The following PRKN variants were observed in gnomAD, a reference collection of about 807,000 sequenced individuals.
PRKN encodes E3 ubiquitin-protein ligase parkin.
Under a neutral mutation model 59.5 loss-of-function variants are expected in PRKN, and 56 were observed. The ratio of observed to expected loss-of-function variants is 0.94; its 90% confidence interval spans 0.76 to 1.18. The LOEUF is 1.18. PRKN is among the 50% of genes most tolerant of loss of function. The pLI is 0.00. For synonymous variants in PRKN, 250 were observed against 222.1 expected (o/e 1.13, Z -1.12); for missense variants, 657 against 596.4 (o/e 1.10, Z -1.06).
intron 1 of PRKN, among the ~76,000 whole-genome samples, chr6:162,501,513 A>ATTTTTTT (rs201004163): frequency 7.9e-6 from 1 of 126,568 alleles, no homozygotes. Flanking sequence ...ACGCCTGGTT[A>ATTTTTTT]ATTTTTTTTT....
At chr6:162,563,155 T>C (rs937329095) in intron 1 of PRKN, among the ~76,000 whole-genome samples, 17 of 151,950 alleles carry the variant, frequency 1.1e-4, no homozygotes, top group Non-Finnish European at 2.5e-4. Flanking sequence ...TACAAAAAAA[T>C]TAGCCAGACG....
intron 7 of PRKN, among the ~76,000 whole-genome samples, chr6:161,627,147 A>AG (rs767342925): frequency 3.0e-4 from 45 of 152,238 alleles, no homozygotes; most frequent in Non-Finnish European, 5.6e-4. Context: ...CTGCTGAAGG[A>AG]GGTACAGCAT....
intron 5 of PRKN, among the ~76,000 whole-genome samples, chr6:161,992,234 G>A (rs940451565): frequency 2.0e-5 from 3 of 152,034 alleles, no homozygotes; most frequent in South Asian, 2.1e-4. Flanking sequence ...CAGCTACTAG[G>A]GGGGCTGAGG....
rs563356310 is a variant in PRKN at position 161,762,903 on chromosome 6, C to T, written c.871+22869G>A. Among the ~76,000 whole-genome samples, 200 of 152,152 alleles carry T rather than the reference C, an allele frequency of 1.3e-3. 1 individual carries two copies. The highest frequency in any genetic ancestry group is 4.6e-3 in the African/African-American group (193 of 41,534). On this transcript the variant is annotated intron_variant, in intron 7 of 11. Coordinates refer to ENST00000366898, the MANE Select transcript of PRKN (RefSeq NM_004562.3). ...CTAGAAAGGATCTGAGACAATTATA[C>T]AAATGTATACCAATAACATTTAAGT...
Position 162,492,571 on chromosome 6 carries a change from G to C in PRKN, c.8-49098C>G, listed in dbSNP as rs1205516176. ...TCCAGCACTTTGGGAGGCCGAGGCA[G>C]GTGGATTGCCTGAGGTCAGGAGGTC... On this transcript the variant is annotated intron_variant, in intron 1 of 11. Coordinates refer to ENST00000366898, the MANE Select transcript of PRKN (RefSeq NM_004562.3). Among the ~76,000 whole-genome samples the C allele has an allele frequency of 2.0e-5, 3 of 152,202 alleles. No individual in the cohort carries two copies. In the East Asian group the frequency reaches 5.8e-4, roughly 29 times the overall value.
chr6:162,038,798 T>C (rs1783945735), intron 5 of PRKN, among the ~76,000 whole-genome samples: 1 of 152,142 alleles, frequency 6.6e-6, no homozygotes, highest in Admixed American at 6.5e-5. Context: ...ATAACTTCAT[T>C]TCAATGCCTT....
chr6:162,062,597 T>C (rs1315086236), intron 4 of PRKN, among the ~76,000 whole-genome samples: 1 of 152,086 alleles, frequency 6.6e-6, no homozygotes, highest in Non-Finnish European at 1.5e-5. Context: ...CGAAAGGCCA[T>C]GTGAAAATAT....
rs139053728 is a variant in PRKN, at chr6:161,807,032, C to T, written c.735-21124G>A. On this transcript the variant is annotated intron_variant, in intron 6 of 11. Transcript: ENST00000366898. Reference sequence around the variant, plus strand: ...AGGTTGTCTTCATTCCTTTGATTTGCGCTGTAAGTGTTAAACTTTAAAAAT... The same window carrying T: ...AGGTTGTCTTCATTCCTTTGATTTGTGCTGTAAGTGTTAAACTTTAAAAAT... 8.0e-3 allele frequency among the ~76,000 whole-genome samples: 1,216 copies of T among 152,242 alleles called. 4 individuals are homozygous for T. The highest frequency in any genetic ancestry group is 0.012 in the Non-Finnish European group (807 of 68,008).
intron 9 of PRKN, among the ~76,000 whole-genome samples, chr6:161,406,608 C>A (rs1302049184): frequency 6.6e-6 from 1 of 152,014 alleles, no homozygotes; most frequent in South Asian, 2.1e-4. Context: ...AGTATTAGCC[C>A]GAAGGAAATA....
chr6:161,441,233 C>T (rs1185751653), intron 9 of PRKN, among the ~76,000 whole-genome samples: 1 of 152,174 alleles, frequency 6.6e-6, no homozygotes, highest in East Asian at 1.9e-4. Flanking sequence ...TGGTGCTCAG[C>T]CATCACTGCT....
intron 5 of PRKN, among the ~76,000 whole-genome samples, chr6:162,005,631 C>G (rs1300602554): frequency 6.6e-6 from 1 of 152,004 alleles, no homozygotes; most frequent in African/African-American, 2.4e-5. Context: ...ATTGCCCTGC[C>G]GAGAATGCCT....
intron 7 of PRKN, among the ~76,000 whole-genome samples, chr6:161,720,744 T>C (rs942544467): frequency 1.5e-4 from 23 of 149,988 alleles, no homozygotes; most frequent in African/African-American, 5.0e-4. Context: ...GTTAGTATAT[T>C]CTCATAGGTA....
intron 4 of PRKN, among the ~76,000 whole-genome samples, chr6:162,101,291 C>A (rs1360365986): frequency 6.6e-6 from 1 of 151,340 alleles, no homozygotes; most frequent in African/African-American, 2.4e-5. Flanking sequence ...CCTTCTTCTG[C>A]TTGTGGATAT....
At chr6:162,486,730 C>T (rs1792556002) in intron 1 of PRKN, among the ~76,000 whole-genome samples, 1 of 152,110 alleles carries the variant, frequency 6.6e-6, no homozygotes, top group Non-Finnish European at 1.5e-5. Flanking sequence ...ATGTAAGACA[C>T]CATATGGAGC....
At chr6:161,788,419 C>T (rs748605202) in intron 6 of PRKN, among the ~76,000 whole-genome samples, 5 of 152,158 alleles carry the variant, frequency 3.3e-5, no homozygotes, top group Non-Finnish European at 7.3e-5. Context: ...CTTACCCATC[C>T]TGCAACTGGC....
chr6:161,935,545 C>T (rs766793502), intron 6 of PRKN, among the ~76,000 whole-genome samples: 7 of 143,074 alleles, frequency 4.9e-5, no homozygotes, highest in East Asian at 2.0e-4. Context: ...CAGAGCAAGA[C>T]CTTGTTTCCA....
intron 1 of PRKN, among the ~76,000 whole-genome samples, chr6:162,686,290 TTC>T (rs1777547230): frequency 6.6e-6 from 1 of 152,154 alleles, no homozygotes; most frequent in African/African-American, 2.4e-5. Context: ...TGGCTGAACA[TTC>T]TGAGAATAAT....
intron 7 of PRKN, among the ~76,000 whole-genome samples, chr6:161,675,889 G>T (rs894090831): frequency 7.9e-5 from 12 of 152,336 alleles, no homozygotes; most frequent in Admixed American, 7.2e-4. Context: ...AGCCATAAAA[G>T]TAAATTTGAA....
At position 161,859,428 on chromosome 6, in the gene PRKN, C is replaced by G. The variant is rs560123887; in HGVS notation, c.735-73520G>C. The stretch of plus-strand genomic sequence containing the variant: ...GACCATCCTGGCCAACATGCTGAAA[C>G]TCCATCTCTACTAAAAATACAAAAA... On this transcript the variant is annotated intron_variant, in intron 6 of 11. Coordinates refer to ENST00000366898, the MANE Select transcript of PRKN (RefSeq NM_004562.3). Among the ~76,000 whole-genome samples, 31 of 151,748 alleles carry G rather than the reference C, an allele frequency of 2.0e-4. No homozygotes were observed. The East Asian group carries it at 4.0e-3, about 19-fold the overall frequency.
Sources: allele counts gnomAD v4.1 joint callset (sites outside exome capture counted in the v4.1 genomes callset), GRCh38; gene constraint gnomAD v4.1.1; transcripts MANE v1.5; gene names NCBI Gene and HGNC (gene_info 2026-07-23, HGNC 2026-07-21).